NRG3: variants seen among roughly 807,000 people sequenced by gnomAD.
The protein encoded by NRG3 is neuregulin 3, also known as pro-neuregulin-3, membrane-bound isoform.
NRG3 carries 31 observed loss-of-function variants against 66.9 expected under a neutral mutation model. The observed-to-expected ratio is 0.46, with a 90% CI of 0.35 to 0.63. NRG3 has a LOEUF of 0.63. NRG3 is among the 20% of genes least tolerant of loss of function. The pLI is 0.00. For missense variants in NRG3, 910 were observed against 878.9 expected (o/e 1.04, Z -0.45); for synonymous variants, 393 against 359.4 (o/e 1.09, Z -1.06).
intron 4 of NRG3, among the ~76,000 whole-genome samples, chr10:82,922,494 CT>C (rs750749928): frequency 1.3e-5 from 2 of 152,120 alleles, no homozygotes; most frequent in Non-Finnish European, 2.9e-5. Context: ...TTTGTTTCAC[CT>C]GTGAATGAGT....
chr10:82,886,277 CCCTCAA>C (rs199550340), intron 4 of NRG3, among the ~76,000 whole-genome samples: 6,071 of 152,238 alleles, frequency 0.04, 137 homozygotes, highest in Non-Finnish European at 0.054. Context: ...TTTTCATATG[CCCTCAA>C]TTTCCCTTAC....
At chr10:82,916,578 AAATAGATGCATATT>A in intron 4 of NRG3, among the ~76,000 whole-genome samples, 1 of 152,308 alleles carries the variant, frequency 6.6e-6, no homozygotes, top group East Asian at 1.9e-4. Context: ...AGATGTGAGT[AAATAGATGCATATT>A]AAGTACAATT....
At chr10:82,388,244 G>T (rs2086134542) in intron 2 of NRG3, among the ~76,000 whole-genome samples, 1 of 152,140 alleles carries the variant, frequency 6.6e-6, no homozygotes, top group African/African-American at 2.4e-5. Flanking sequence ...AAGGGAATAA[G>T]AAAGTTTTTT....
rs150352867 is a variant in NRG3, at chr10:82,382,341, GT to G, written c.953+23478del. On this transcript the variant is annotated intron_variant, in intron 2 of 8. Transcript: ENST00000372141. ...TAATACTTCCTTTAGTAGCTTATAG[GT>G]TTTTATGGACTCATTCAAATCCCTT... 1.8e-3 allele frequency among the ~76,000 whole-genome samples: 276 copies of G among 151,822 alleles called. 1 individual carries two copies. The highest frequency in any genetic ancestry group is 6.3e-3 in the African/African-American group (260 of 41,462).
At chr10:82,920,728 G>A (rs1332646938) in intron 4 of NRG3, among the ~76,000 whole-genome samples, 2 of 152,092 alleles carry the variant, frequency 1.3e-5, no homozygotes, top group African/African-American at 4.8e-5. Context: ...CTAAAAAAAT[G>A]ACAATGATAT....
At chr10:82,634,237 G>A (rs1350823749) in intron 2 of NRG3, among the ~76,000 whole-genome samples, 1 of 152,130 alleles carries the variant, frequency 6.6e-6, no homozygotes, top group African/African-American at 2.4e-5. Context: ...AATGCACAGG[G>A]TGTCCAGTCA....
intron 1 of NRG3, among the ~76,000 whole-genome samples, chr10:82,076,926 A>G (rs1233505466): frequency 1.3e-5 from 2 of 152,182 alleles, no homozygotes; most frequent in Non-Finnish European, 2.9e-5. Flanking sequence ...TGACTGGCCT[A>G]TGTGTCCTTG....
intron 1 of NRG3, among the ~76,000 whole-genome samples, chr10:82,216,666 G>A (rs1021927866): frequency 1.3e-5 from 2 of 151,056 alleles, no homozygotes; most frequent in African/African-American, 4.9e-5. Flanking sequence ...ATGTATTCAT[G>A]TATTTTTATA....
At chr10:82,871,974 C>A (rs897328509) in intron 4 of NRG3, among the ~76,000 whole-genome samples, 2 of 152,064 alleles carry the variant, frequency 1.3e-5, no homozygotes, top group Non-Finnish European at 2.9e-5. Flanking sequence ...AAGGGGGCAA[C>A]TTTGCCTCGT....
At chr10:82,087,567 A>T (rs189960627) in intron 1 of NRG3, among the ~76,000 whole-genome samples, 1 of 152,080 alleles carries the variant, frequency 6.6e-6, no homozygotes, top group Non-Finnish European at 1.5e-5. Flanking sequence ...TTGTTGCCCC[A>T]CTTTGCCAGA....
intron 1 of NRG3, among the ~76,000 whole-genome samples, chr10:82,312,746 C>T (rs1014776405): frequency 4.0e-5 from 6 of 151,866 alleles, no homozygotes; most frequent in African/African-American, 1.2e-4. Context: ...AGCAAGAGAG[C>T]TTAGATAAAT....
chr10:81,958,958 G>A (rs1341800404), intron 1 of NRG3, among the ~76,000 whole-genome samples: 12 of 152,080 alleles, frequency 7.9e-5, no homozygotes, highest in Non-Finnish European at 1.8e-4. Flanking sequence ...ATTTCATGGC[G>A]AGGGGATTTC....
chr10:82,075,305 T>G (rs548021018), intron 1 of NRG3, among the ~76,000 whole-genome samples: 3 of 152,352 alleles, frequency 2.0e-5, no homozygotes, highest in African/African-American at 7.2e-5. Context: ...TTTATTTTTG[T>G]GTCTTTGATA....
At chr10:82,740,946 A>G (rs2058397707) in intron 3 of NRG3, among the ~76,000 whole-genome samples, 3 of 152,184 alleles carry the variant, frequency 2.0e-5, no homozygotes, top group Admixed American at 2.0e-4. Flanking sequence ...CCCCAAATGT[A>G]GAAAAGAAAT....
intron 8 of NRG3, among the ~76,000 whole-genome samples, chr10:82,982,022 C>T (rs1852965252): frequency 1.3e-5 from 2 of 152,194 alleles, no homozygotes; most frequent in African/African-American, 4.8e-5. Flanking sequence ...GTGACATACA[C>T]AGTCCTGTGT....
At chr10:82,382,689 G>C (rs1161746862) in intron 2 of NRG3, among the ~76,000 whole-genome samples, 2 of 151,754 alleles carry the variant, frequency 1.3e-5, no homozygotes, top group Non-Finnish European at 2.9e-5. Context: ...CTTATTAAAG[G>C]TCCCATTATT....
chr10:82,220,151 T>C (rs772681687), intron 1 of NRG3, among the ~76,000 whole-genome samples: 1 of 151,438 alleles, frequency 6.6e-6, no homozygotes, highest in Admixed American at 6.6e-5. Flanking sequence ...TGGGAAGATA[T>C]TATGATTCTT....
At chr10:82,397,294 T>G (rs951272519) in intron 2 of NRG3, among the ~76,000 whole-genome samples, 5 of 152,314 alleles carry the variant, frequency 3.3e-5, no homozygotes, top group Middle Eastern at 3.4e-3. Flanking sequence ...ATGCCTGGTT[T>G]AGAATGCTCA....
chr10:82,979,101 GA>G lies in NRG3; in HGVS notation c.1565del (p.Asp522ValfsTer13). 1 of 1,614,004 alleles carries G rather than the reference GA, an allele frequency of 6.2e-7. No individual in the cohort carries two copies. Among genetic ancestry groups the G allele is most frequent in the Non-Finnish European group, 8.5e-7 (1 of 1,179,940 alleles). ...CGAAGAATCAAGGATCCCAGACCAG[GA>G]TACGATACCTTGCCAAGGGTAGGTC... Reference protein sequence around the residue: ...QLEESRIPDQDTIPCQGYSSS... With the variant: ...QLEESRIPDQXTIPCQGYSSS... On this transcript the variant is annotated frameshift_variant, in exon 8 of 9. Transcript: ENST00000372141. LOFTEE classifies it high-confidence loss of function.
Sources: allele counts gnomAD v4.1 joint callset (sites outside exome capture counted in the v4.1 genomes callset), GRCh38; gene constraint gnomAD v4.1.1; transcripts MANE v1.5; gene names NCBI Gene and HGNC (gene_info 2026-07-23, HGNC 2026-07-21).